Variants in SNTB1 observed in about 807,000 individuals in gnomAD.
The protein encoded by SNTB1 is beta-1-syntrophin.
Under a neutral mutation model 48.9 loss-of-function variants are expected in SNTB1, and 36 were observed. The ratio of observed to expected loss-of-function variants is 0.74; its 90% CI spans 0.56 to 0.97. The LOEUF (loss-of-function observed/expected upper bound fraction) is 0.97, where lower values mean the gene tolerates loss of function less well. Ranked by LOEUF, SNTB1 falls within the 50% of genes least tolerant of loss-of-function variation. The pLI is 0.00. For synonymous variants in SNTB1, 299 were observed against 294.6 expected, an observed-to-expected ratio of 1.01 and a Z score of -0.15; for missense variants, 786 against 703.4, an observed-to-expected ratio of 1.12 and a Z score of -1.33.
rs56212702 is a variant in SNTB1 at position 120,742,672 on chromosome 8, C to G, written c.572-48764G>C. Among the ~76,000 whole-genome samples, 4 of 152,046 alleles carry G rather than the reference C, an allele frequency of 2.6e-5. No individual in the cohort carries two copies. The East Asian group carries it at 7.7e-4, about 29-fold the overall frequency. The stretch of plus-strand genomic sequence containing the variant: ...TTTCAGGAGCTTTATTTAAATGGTG[C>G]CTTTACAGACTGGAGTAATGAATTT... On this transcript the variant is annotated intron_variant, in intron 1 of 6. Coordinates refer to ENST00000517992, the MANE Select transcript of SNTB1 (RefSeq NM_021021.4).
intron 1 of SNTB1, among the ~76,000 whole-genome samples, chr8:120,723,524 G>C (rs1416799001): frequency 6.6e-6 from 1 of 152,146 alleles, no homozygotes; most frequent in Non-Finnish European, 1.5e-5. Flanking sequence ...GATGAGCCTA[G>C]AGTTTGCTAA....
At chr8:120,809,756 T>C (rs1820395407) in intron 1 of SNTB1, among the ~76,000 whole-genome samples, 1 of 152,198 alleles carries the variant, frequency 6.6e-6, no homozygotes, top group Admixed American at 6.5e-5. Context: ...GCAAACTTTT[T>C]TTCTGTTATG....
intron 1 of SNTB1, among the ~76,000 whole-genome samples, chr8:120,745,071 C>G (rs2130016278): frequency 6.6e-6 from 1 of 151,706 alleles, no homozygotes; most frequent in African/African-American, 2.4e-5. Flanking sequence ...ACATTAGGAC[C>G]ATAGGCAGAA....
At chr8:120,655,573 T>A (rs1817487652) in intron 2 of SNTB1, among the ~76,000 whole-genome samples, 1 of 152,212 alleles carries the variant, frequency 6.6e-6, no homozygotes, top group Non-Finnish European at 1.5e-5. Context: ...CCAAAGTTCA[T>A]TGAACTCCAA....
intron 1 of SNTB1, among the ~76,000 whole-genome samples, chr8:120,738,127 T>C (rs1401050374): frequency 6.6e-6 from 1 of 151,740 alleles, no homozygotes; most frequent in East Asian, 1.9e-4. Flanking sequence ...TGAGAGAGAG[T>C]GCTTCCCCCT....
intron 3 of SNTB1, among the ~76,000 whole-genome samples, chr8:120,614,976 T>TAAAAAAAAAAA (rs61318757): frequency 1.4e-5 from 1 of 73,258 alleles, no homozygotes; most frequent in African/African-American, 6.5e-5. Flanking sequence ...TCACCTCTAC[T>TAAAAAAAAAAA]AAAAAAAAAA....
At chr8:120,599,484 T>C (rs1359256599) in intron 3 of SNTB1, among the ~76,000 whole-genome samples, 1 of 152,200 alleles carries the variant, frequency 6.6e-6, no homozygotes, top group Non-Finnish European at 1.5e-5. Flanking sequence ...TCATGCCTCA[T>C]TTCAAAATAA....
intron 2 of SNTB1, among the ~76,000 whole-genome samples, chr8:120,664,204 G>A (rs965192514): frequency 2.0e-5 from 3 of 152,154 alleles, no homozygotes; most frequent in Non-Finnish European, 2.9e-5. Flanking sequence ...ATTTGACATG[G>A]GGCATAAGGA....
chr8:120,622,843 A>G (rs1328951145), intron 3 of SNTB1, among the ~76,000 whole-genome samples: 1 of 152,152 alleles, frequency 6.6e-6, no homozygotes. Context: ...AGGCCAGTGC[A>G]CTCTAGCCTT....
intron 3 of SNTB1, 146 bp downstream of exon 3, chr8:120,632,298 G>T: frequency 2.6e-6 from 2 of 777,630 alleles, no homozygotes; most frequent in Non-Finnish European, 4.2e-6. Context: ...TAATGTAAAG[G>T]CCTGTAGCCT....
chr8:120,578,725 A>C (rs895725563), intron 3 of SNTB1, among the ~76,000 whole-genome samples: 1 of 152,232 alleles, frequency 6.6e-6, no homozygotes, highest in Non-Finnish European at 1.5e-5. Context: ...ACAAAATGGC[A>C]AGAATTTCAG....
chr8:120,780,906 A>C (rs1196294275), intron 1 of SNTB1, among the ~76,000 whole-genome samples: 1 of 152,214 alleles, frequency 6.6e-6, no homozygotes, highest in East Asian at 1.9e-4. Flanking sequence ...ATTTTATTTA[A>C]AATAAATGTG....
At chr8:120,569,870 C>T (rs548660569) in intron 4 of SNTB1, among the ~76,000 whole-genome samples, 6 of 152,288 alleles carry the variant, frequency 3.9e-5, no homozygotes, top group African/African-American at 7.2e-5. Flanking sequence ...TAGTGGCTAC[C>T]ATGCTAAGCA....
chr8:120,548,010 G>A (rs1001515640), intron 5 of SNTB1, among the ~76,000 whole-genome samples: 3 of 152,140 alleles, frequency 2.0e-5, no homozygotes, highest in African/African-American at 7.2e-5. Context: ...TTGGTGGAAG[G>A]TGTTTGGGTC....
At chr8:120,577,282 A>G (rs151328548) in intron 3 of SNTB1, among the ~76,000 whole-genome samples, 2 of 152,314 alleles carry the variant, frequency 1.3e-5, no homozygotes, top group Admixed American at 6.5e-5. Flanking sequence ...AAAGCTATTT[A>G]TGCTGGAACA....
chr8:120,596,429 A>G (rs190370978), intron 3 of SNTB1, among the ~76,000 whole-genome samples: 60 of 152,320 alleles, frequency 3.9e-4, no homozygotes, highest in Admixed American at 3.6e-3. Context: ...TTAATTTTCT[A>G]TTGCTACAAA....
intron 1 of SNTB1, among the ~76,000 whole-genome samples, chr8:120,790,020 C>T (rs920586052): frequency 7.2e-5 from 11 of 151,856 alleles, no homozygotes; most frequent in Non-Finnish European, 1.5e-4. Context: ...TCCAACAGCA[C>T]ATCAAAAAAA....
chr8:120,751,049 T>C (rs1819205719), intron 1 of SNTB1, among the ~76,000 whole-genome samples: 1 of 152,150 alleles, frequency 6.6e-6, no homozygotes, highest in African/African-American at 2.4e-5. Context: ...ATAACTGACC[T>C]ATGATCACCC....
At chr8:120,675,382 T>A (rs370853605) in intron 2 of SNTB1, among the ~76,000 whole-genome samples, 4 of 152,208 alleles carry the variant, frequency 2.6e-5, no homozygotes, top group African/African-American at 7.2e-5. Flanking sequence ...GATAGATTTA[T>A]ACTGTGGTAT....
Sources: gnomAD v4.1 joint callset for allele counts (sites outside exome capture counted in the v4.1 genomes callset) on GRCh38, gnomAD v4.1.1 for gene constraint, MANE v1.5 for transcripts, NCBI Gene and HGNC (gene_info 2026-07-23, HGNC 2026-07-21) for gene names.